Variants in DDX39B observed in about 807,000 individuals in gnomAD.
DDX39B encodes the protein DExD-box helicase 39B.
A neutral mutation model predicts 46.4 loss-of-function variants in DDX39B; 6 were observed. The observed-to-expected ratio is 0.13, with a 90% CI of 0.07 to 0.26. DDX39B has a LOEUF of 0.26. DDX39B is among the 10% of genes least tolerant of loss of function. The pLI, the probability that DDX39B is intolerant of heterozygous loss-of-function variation, is 1.00. For synonymous variants in DDX39B, 174 were observed against 199.4 expected (o/e 0.87, Z 1.07); for missense variants, 185 against 553.4 (o/e 0.33, Z 6.68).
In DDX39B at chr6:31,530,845, CATT is replaced by C; in HGVS notation, c.1201_1203del (p.Asn401del). Reference sequence around the variant, plus strand: ...TTGACCTCAAAGCGATCCTGCACATCATTGAGGATCTTGGCATCATTCTCATCG... The same window carrying C: ...TTGACCTCAAAGCGATCCTGCACATCGAGGATCTTGGCATCATTCTCATCG... On this transcript the variant is annotated inframe_deletion, in exon 10 of 11. Coordinates refer to ENST00000396172, the MANE Select transcript of DDX39B (RefSeq NM_004640.7). This position sits in a 1 kb window ranked among gnomAD's most constrained non-coding sequence, Gnocchi z 4.5. 1.2e-6 allele frequency: 2 copies of C among 1,613,976 alleles called. No homozygotes were observed. Among genetic ancestry groups the C allele is most frequent in the Non-Finnish European group, 8.5e-7 (1 of 1,180,040 alleles).
At chr6:31,539,038 C>G in intron 3 of DDX39B, 109 bp downstream of exon 3, 1 of 1,590,414 alleles carries the variant, frequency 6.3e-7, no homozygotes. Flanking sequence ...TCAAGGGTAA[C>G]AGAGGTCATG....
At chr6:31,537,947 A>T (rs9267484) in intron 4 of DDX39B, among the ~76,000 whole-genome samples, 4,250 of 152,254 alleles carry the variant, frequency 0.028, 68 homozygotes, top group African/African-American at 0.045. Context: ...AGGCGGGAGA[A>T]TCGCTTGAAC....
intron 1 of DDX39B, chr6:31,541,600 G>A (rs1246309097): frequency 1.1e-5 from 5 of 473,344 alleles, no homozygotes; most frequent in Middle Eastern, 3.2e-4. Flanking sequence ...GAAAGGACAA[G>A]GAAGGTGAGA....
chr6:31,540,430 C>T lies in DDX39B; in HGVS notation c.103G>A (p.Val35Ile). The T allele has an allele frequency of 6.2e-7, 1 of 1,614,236 alleles. No individual in the cohort carries two copies. The highest frequency in any genetic ancestry group is 8.5e-7 in the Non-Finnish European group (1 of 1,180,046). Reference sequence around the variant, plus strand: ...TGGATGGAGACATAGGAGCCCTTGACATCCTTCTTGGCAGGGGCCTCAGCC... The same window carrying T: ...TGGATGGAGACATAGGAGCCCTTGATATCCTTCTTGGCAGGGGCCTCAGCC... ...DGAEAPAKKD[V>I]KGSYVSIHSS... Residue 35 changes from valine to isoleucine, a missense_variant, in exon 2 of 11, where the codon GTC (valine) becomes ATC (isoleucine). Physicochemically the swap from Val to Ile is conservative, Grantham distance 29. Coordinates refer to ENST00000396172, the MANE Select transcript of DDX39B (RefSeq NM_004640.7).
At position 31,534,972 on chromosome 6, in the gene DDX39B, C is replaced by G; in HGVS notation, c.735+395G>C. 1 of 272,178 alleles carries G rather than the reference C, an allele frequency of 3.7e-6. No individual in the cohort carries two copies. Among genetic ancestry groups the G allele is most frequent in the South Asian group, 4.3e-5 (1 of 23,212 alleles). 16.9% of individuals were successfully genotyped at this position (272,178 alleles called of 1,614,324 possible). On this transcript the variant is annotated intron_variant, in intron 6 of 10. Transcript: ENST00000396172. This position sits in a 1 kb window ranked among gnomAD's most constrained non-coding sequence, Gnocchi z 5.1. ...ACCGGGAAGTAGGAGTTTTGGTGAG[C>G]AGAAGGCTCCAGCTGTACGCTCGAT...
At chr6:31,539,418 T>G in intron 2 of DDX39B, 144 bp from the exon 3 acceptor site, 1 of 1,189,758 alleles carries the variant, frequency 8.4e-7, no homozygotes, top group Non-Finnish European at 1.2e-6. Flanking sequence ...AGACCCATTT[T>G]ACCTCTCTCT....
chr6:31,541,284 G>C (rs1768411464), intron 1 of DDX39B: 3 of 503,126 alleles, frequency 6.0e-6, no homozygotes, highest in African/African-American at 3.9e-5. Flanking sequence ...GGCGGTGCAA[G>C]ACAAATGGCT....
At chr6:31,540,757 GA>G (rs1768321107) in intron 1 of DDX39B, 93 bp from the exon 2 acceptor site, 2 of 575,442 alleles carry the variant, frequency 3.5e-6, no homozygotes, top group African/African-American at 3.7e-5. Flanking sequence ...CCTAAACCAG[GA>G]AACTTTTACC....
At chr6:31,539,066 G>C (rs1327869196) in intron 3 of DDX39B, 81 bp downstream of exon 3, 1 of 1,610,094 alleles carries the variant, frequency 6.2e-7, no homozygotes, top group Non-Finnish European at 8.5e-7. Flanking sequence ...GGCTCTGCAA[G>C]CATCATGTAG....
Position 31,531,444 on chromosome 6 carries a change from A to C in DDX39B, c.868-39T>G. ...GGGTGGGGGGTCGCAAATTGGGGGA[A>C]TAGGGGTCCATGGTGTGTGAGAGAC... On this transcript the variant is annotated intron_variant, in intron 7 of 10. Coordinates refer to ENST00000396172, the MANE Select transcript of DDX39B (RefSeq NM_004640.7). This position sits in a 1 kb window ranked among gnomAD's most constrained non-coding sequence, Gnocchi z 5.8. 1 of 1,576,352 alleles carries C rather than the reference A, an allele frequency of 6.3e-7. No homozygotes were observed. Among genetic ancestry groups the C allele is most frequent in the East Asian group, 2.2e-5 (1 of 44,622 alleles).
In DDX39B at chr6:31,534,347, C is replaced by T; in HGVS notation, c.735+1020G>A. The T allele has an allele frequency of 2.8e-6, 1 of 355,220 alleles. No individual in the cohort carries two copies. Among genetic ancestry groups the T allele is most frequent in the Non-Finnish European group, 5.9e-6 (1 of 170,826 alleles). The allele number at this position is 355,220 out of a possible 1,614,324, so 22.0% of individuals were successfully genotyped here. On this transcript the variant is annotated intron_variant, in intron 6 of 10. Coordinates refer to ENST00000396172, the MANE Select transcript of DDX39B (RefSeq NM_004640.7). The surrounding 1 kb of genome is among the most constrained non-coding windows in gnomAD (Gnocchi z 5.1). ...TCCATGGCCTCCTTCAAATCTCATTCTAGCCCCAAATACAGCTAAAGAGTG... is the reference window on the plus strand; with the variant it reads ...TCCATGGCCTCCTTCAAATCTCATTTTAGCCCCAAATACAGCTAAAGAGTG...
At position 31,534,958 on chromosome 6, in the gene DDX39B, G is replaced by A. The variant is rs6915692; in HGVS notation, c.735+409C>T. 1.5e-5 allele frequency: 4 copies of A among 267,652 alleles called. No homozygotes were observed. The highest frequency in any genetic ancestry group is 2.2e-5 in the Non-Finnish European group (3 of 135,404). The allele number at this position is 267,652 out of a possible 1,614,324, so 16.6% of individuals were successfully genotyped here. On this transcript the variant is annotated intron_variant, in intron 6 of 10. Coordinates refer to ENST00000396172, the MANE Select transcript of DDX39B (RefSeq NM_004640.7). The surrounding 1 kb of genome is among the most constrained non-coding windows in gnomAD (Gnocchi z 5.1). ...CTTGCTCTCCTGCCACCGGGAAGTA[G>A]GAGTTTTGGTGAGCAGAAGGCTCCA...
chr6:31,539,171 T>C lies in DDX39B; in HGVS notation c.315A>G (p.Gln105=). The change falls in exon 3 of 11, where the codon CAA becomes CAG. Residue 105 remains glutamine (Q), a synonymous_variant. Coordinates refer to ENST00000396172, the MANE Select transcript of DDX39B (RefSeq NM_004640.7). The part of the protein sequence containing the change: ...KTAVFVLATL[Q]QLEPVTGQVS... ...CCTGCCCAGTAACTGGCTCCAGCTG[T>C]TGCAGTGTGGCCAAGACAAACACTG... 1 of 1,613,248 alleles carries C rather than the reference T, an allele frequency of 6.2e-7. No homozygotes were observed. Among genetic ancestry groups the C allele is most frequent in the African/African-American group, 1.3e-5 (1 of 75,050 alleles).
chr6:31,532,920 G>A lies in DDX39B; in HGVS notation c.736-9C>T. The A allele has an allele frequency of 1.9e-6, 2 of 1,073,458 alleles. No individual in the cohort carries two copies. Among genetic ancestry groups the A allele is most frequent in the South Asian group, 1.2e-5 (1 of 80,504 alleles). The allele number at this position is 1,073,458 out of a possible 1,614,324, so 66.5% of individuals were successfully genotyped here. On this transcript the variant is annotated splice_polypyrimidine_tract_variant and intron_variant, in intron 6 of 10. Transcript: ENST00000396172. ...ACGAAGATCTCCATTGGCTGGGGGGGAGGAAGGGGGTGGGGAACGGGAGGA... is the reference window on the plus strand; with the variant it reads ...ACGAAGATCTCCATTGGCTGGGGGGAAGGAAGGGGGTGGGGAACGGGAGGA...
intron 4 of DDX39B, among the ~76,000 whole-genome samples, chr6:31,537,488 C>CA (rs34424936): frequency 0.085 from 12,922 of 152,066 alleles, 810 homozygotes; most frequent in South Asian, 0.19. Flanking sequence ...TAAAGTACCA[C>CA]AAAAAACACA....
At position 31,534,493 on chromosome 6, in the gene DDX39B, A is replaced by G. The variant is rs1457115371; in HGVS notation, c.735+874T>C. 2.1e-6 allele frequency: 1 copy of G among 470,676 alleles called. No individual in the cohort carries two copies. Among genetic ancestry groups the G allele is most frequent in the Non-Finnish European group, 4.4e-6 (1 of 226,980 alleles). The allele number at this position is 470,676 out of a possible 1,614,324, so 29.2% of individuals were successfully genotyped here. A position where few individuals can be genotyped will look rare whatever the true frequency, so the allele number is the denominator to read the frequency against. ...CGATTACATCCACTTTACCTTTCCT[A>G]TGTCCCTCTCCTCTGAGTATTAAAA... On this transcript the variant is annotated intron_variant, in intron 6 of 10. Coordinates refer to ENST00000396172, the MANE Select transcript of DDX39B (RefSeq NM_004640.7). The surrounding 1 kb of genome is among the most constrained non-coding windows in gnomAD (Gnocchi z 5.1).
intron 2 of DDX39B, among the ~76,000 whole-genome samples, chr6:31,540,043 C>T (rs570423042): frequency 6.6e-6 from 1 of 152,294 alleles, no homozygotes; most frequent in East Asian, 1.9e-4. Context: ...AATCACGGCT[C>T]ACTGAAGCCT....
chr6:31,530,740 C>T lies in DDX39B; in HGVS notation c.1270+39G>A. 6.2e-7 allele frequency: 1 copy of T among 1,601,018 alleles called. No individual in the cohort carries two copies. The highest frequency in any genetic ancestry group is 2.2e-5 in the East Asian group (1 of 44,692). On this transcript the variant is annotated intron_variant, in intron 10 of 10. Coordinates refer to ENST00000396172, the MANE Select transcript of DDX39B (RefSeq NM_004640.7). This position sits in a 1 kb window ranked among gnomAD's most constrained non-coding sequence, Gnocchi z 4.5. Reference sequence around the variant, plus strand: ...GATTTCGGACAAACACACTAAGGAACAGGGAGGACCTAAAGGGTTTCATGA... The same window carrying T: ...GATTTCGGACAAACACACTAAGGAATAGGGAGGACCTAAAGGGTTTCATGA...
chr6:31,534,220 A>G lies in DDX39B; in HGVS notation c.735+1147T>C, dbSNP rs568036079. 5.7e-5 allele frequency: 13 copies of G among 228,112 alleles called. No individual in the cohort carries two copies. Among genetic ancestry groups the G allele is most frequent in the Non-Finnish European group, 1.0e-4 (11 of 110,502 alleles). 14.1% of individuals were successfully genotyped at this position (228,112 alleles called of 1,614,324 possible). A position where few individuals can be genotyped will look rare whatever the true frequency, so the allele number is the denominator to read the frequency against. On this transcript the variant is annotated intron_variant, in intron 6 of 10. Coordinates refer to ENST00000396172, the MANE Select transcript of DDX39B (RefSeq NM_004640.7). The surrounding 1 kb of genome is among the most constrained non-coding windows in gnomAD (Gnocchi z 5.1). The stretch of plus-strand genomic sequence containing the variant: ...TCACTACACTGCCCCAGCTAGTCTC[A>G]AATTCCTGGGCTCAAGCAATCCTCC...
Sources: gnomAD v4.1 joint callset for allele counts (sites outside exome capture counted in the v4.1 genomes callset) on GRCh38, gnomAD v4.1.1 for gene constraint, Gnocchi (gnomAD v3.1) non-coding constraint, MANE v1.5 for transcripts, NCBI Gene and HGNC (gene_info 2026-07-23, HGNC 2026-07-21) for gene names.